The following SLC35F3 variants were observed in gnomAD, a reference collection of about 807,000 sequenced individuals.
SLC35F3 encodes the protein solute carrier family 35 member F3.
In SLC35F3, 25 loss-of-function variants were observed where a neutral mutation model predicts 49.9. The observed-to-expected ratio is 0.50, with a 90% CI of 0.37 to 0.70. The LOEUF (loss-of-function observed/expected upper bound fraction) is 0.70, where lower values mean the gene tolerates loss of function less well. Ranked by LOEUF, SLC35F3 falls within the 30% of genes least tolerant of loss-of-function variation. SLC35F3 has a pLI of 0.00. For synonymous variants in SLC35F3, 275 were observed against 265.4 expected, an observed-to-expected ratio of 1.04 and a Z score of -0.35; for missense variants, 525 against 639.8, an observed-to-expected ratio of 0.82 and a Z score of 1.94.
chr1:234,252,039 A>C lies in SLC35F3; in HGVS notation c.608+20298A>C, dbSNP rs990394378. On this transcript the variant is annotated intron_variant, in intron 3 of 7. Transcript: ENST00000366618. Reference sequence around the variant, plus strand: ...CTTGTCTCACTGTGGTACAAAGTTTAGAAGTTATCAAAGAAAAGATTGATT... The same window carrying C: ...CTTGTCTCACTGTGGTACAAAGTTTCGAAGTTATCAAAGAAAAGATTGATT... Among the ~76,000 whole-genome samples, 3 of 151,850 alleles carry C rather than the reference A, an allele frequency of 2.0e-5. No homozygotes were observed. In the Admixed American group the frequency reaches 2.0e-4, roughly 10 times the overall value.
At chr1:233,931,808 A>G (rs1662246806) in intron 2 of SLC35F3, among the ~76,000 whole-genome samples, 1 of 152,220 alleles carries the variant, frequency 6.6e-6, no homozygotes, top group Non-Finnish European at 1.5e-5. Flanking sequence ...TACCCAAAGG[A>G]TTATAAATCA....
intron 2 of SLC35F3, among the ~76,000 whole-genome samples, chr1:234,002,072 T>C (rs1663562894): frequency 6.6e-6 from 1 of 152,206 alleles, no homozygotes; most frequent in African/African-American, 2.4e-5. Flanking sequence ...GACAGGACTT[T>C]CAGCATGAAC....
chr1:234,276,691 C>T (rs1325907295), intron 3 of SLC35F3, among the ~76,000 whole-genome samples: 1 of 152,240 alleles, frequency 6.6e-6, no homozygotes. Context: ...CGACAACTCT[C>T]ATTCAAGCAG....
At chr1:234,079,844 AAC>A (rs1451051790) in intron 2 of SLC35F3, among the ~76,000 whole-genome samples, 4 of 152,236 alleles carry the variant, frequency 2.6e-5, no homozygotes, top group Admixed American at 6.5e-5. Context: ...CACTATAAAA[AAC>A]AGTTTGACAG....
chr1:234,240,953 G>A (rs1667546199), intron 3 of SLC35F3, among the ~76,000 whole-genome samples: 1 of 152,340 alleles, frequency 6.6e-6, no homozygotes, highest in South Asian at 2.1e-4. Flanking sequence ...CAGGATATGA[G>A]CTGAAAGCCA....
At chr1:234,216,892 C>A (rs1667130847) in intron 2 of SLC35F3, among the ~76,000 whole-genome samples, 1 of 152,222 alleles carries the variant, frequency 6.6e-6, no homozygotes, top group Non-Finnish European at 1.5e-5. Context: ...ATGCAAAATT[C>A]TGCCCCTCGG....
intron 2 of SLC35F3, among the ~76,000 whole-genome samples, chr1:234,140,002 A>AAAAT: frequency 1.9e-5 from 2 of 105,368 alleles, no homozygotes; most frequent in Admixed American, 9.0e-5. Context: ...AATAAAATAA[A>AAAAT]GTAAGTGACT....
intron 2 of SLC35F3, among the ~76,000 whole-genome samples, chr1:234,063,384 T>G (rs1353956792): frequency 6.6e-6 from 1 of 152,220 alleles, no homozygotes; most frequent in Non-Finnish European, 1.5e-5. Context: ...AATCTATAAC[T>G]AAGGTCTGAG....
At chr1:234,171,366 C>A (rs1394715706) in intron 2 of SLC35F3, among the ~76,000 whole-genome samples, 6 of 152,168 alleles carry the variant, frequency 3.9e-5, no homozygotes, top group African/African-American at 1.2e-4. Context: ...TAACGTGTAG[C>A]TGGGGTGACA....
intron 2 of SLC35F3, among the ~76,000 whole-genome samples, chr1:234,058,328 ATTTTTT>A (rs56960667): frequency 1.3e-3 from 50 of 39,794 alleles, no homozygotes; most frequent in African/African-American, 5.9e-3. Context: ...ATGTTCCTGA[ATTTTTT>A]TTTTTTTTTT....
At chr1:234,055,233 C>T (rs1321037197) in intron 2 of SLC35F3, among the ~76,000 whole-genome samples, 1 of 152,180 alleles carries the variant, frequency 6.6e-6, no homozygotes. Context: ...CTATGCCCTG[C>T]CCCCAGAGGT....
chr1:234,137,764 A>C (rs1665832916), intron 2 of SLC35F3, among the ~76,000 whole-genome samples: 1 of 152,224 alleles, frequency 6.6e-6, no homozygotes, highest in African/African-American at 2.4e-5. Context: ...CGCAGCAAGT[A>C]GCTGCAAATT....
intron 2 of SLC35F3, among the ~76,000 whole-genome samples, chr1:233,934,413 C>T (rs972233719): frequency 2.6e-5 from 4 of 152,092 alleles, no homozygotes; most frequent in Non-Finnish European, 5.9e-5. Flanking sequence ...CGAATACACC[C>T]ATGTAAAGCA....
At chr1:234,315,038 C>T (rs1048713046) in intron 4 of SLC35F3, among the ~76,000 whole-genome samples, 2 of 152,152 alleles carry the variant, frequency 1.3e-5, no homozygotes, top group Non-Finnish European at 2.9e-5. Flanking sequence ...TGTTTCTTCT[C>T]TTAATGAACA....
rs1396698567 is a variant in SLC35F3, at chr1:234,197,188, A to C, written c.284-34229A>C. On this transcript the variant is annotated intron_variant, in intron 2 of 7. Transcript: ENST00000366618. Reference sequence around the variant, plus strand: ...CTCATCTGGGTTTGCTAACTGGTGCATATCAAAGTTAGGCTCCTACCCACT... The same window carrying C: ...CTCATCTGGGTTTGCTAACTGGTGCCTATCAAAGTTAGGCTCCTACCCACT... 3.9e-5 allele frequency among the ~76,000 whole-genome samples: 6 copies of C among 152,348 alleles called. No individual in the cohort carries two copies. The East Asian group carries it at 1.2e-3, about 29-fold the overall frequency.
At chr1:234,292,975 A>G (rs959973578) in intron 3 of SLC35F3, among the ~76,000 whole-genome samples, 8 of 152,238 alleles carry the variant, frequency 5.3e-5, no homozygotes, top group Non-Finnish European at 1.2e-4. Context: ...TCACAAATGA[A>G]GAAAACAACT....
At chr1:233,944,858 G>A (rs1002883767) in intron 2 of SLC35F3, among the ~76,000 whole-genome samples, 1 of 152,086 alleles carries the variant, frequency 6.6e-6, no homozygotes, top group Non-Finnish European at 1.5e-5. Flanking sequence ...TCTTACGATT[G>A]TAGAGGGGAC....
chr1:234,311,798 C>G (rs1657361839), intron 4 of SLC35F3, among the ~76,000 whole-genome samples: 1 of 152,200 alleles, frequency 6.6e-6, no homozygotes, highest in South Asian at 2.1e-4. Flanking sequence ...GGTCAGGGTT[C>G]TAGCTCAGCG....
chr1:234,043,339 G>A (rs1361790513), intron 2 of SLC35F3, among the ~76,000 whole-genome samples: 1 of 152,108 alleles, frequency 6.6e-6, no homozygotes, highest in Non-Finnish European at 1.5e-5. Flanking sequence ...ATTATTTACA[G>A]TGTTTGAAAT....
Sources: allele counts gnomAD v4.1 joint callset (sites outside exome capture counted in the v4.1 genomes callset), GRCh38; gene constraint gnomAD v4.1.1; transcripts MANE v1.5; gene names NCBI Gene and HGNC (gene_info 2026-07-23, HGNC 2026-07-21).